The following SPATA16 variants were observed in gnomAD, a reference collection of about 807,000 sequenced individuals.
The protein encoded by SPATA16 is spermatogenesis-associated protein 16.
Under a neutral mutation model 63.3 loss-of-function variants are expected in SPATA16, and 36 were observed. The observed-to-expected ratio is 0.57, with a 90% CI of 0.44 to 0.75. The LOEUF (loss-of-function observed/expected upper bound fraction) is 0.75, where lower values mean the gene tolerates loss of function less well. Among genes scored for constraint, SPATA16 ranks in the 30% least tolerant of loss-of-function variants. The pLI, the probability that SPATA16 is intolerant of heterozygous loss-of-function variation, is 0.00. For missense variants in SPATA16, 646 were observed against 679.3 expected (o/e 0.95, Z 0.54); for synonymous variants, 203 against 216.7 (o/e 0.94, Z 0.56).
intron 1 of SPATA16, among the ~76,000 whole-genome samples, chr3:173,120,889 C>G (rs1410884547): frequency 6.6e-6 from 1 of 151,934 alleles, no homozygotes; most frequent in African/African-American, 2.4e-5. Context: ...TTAAACTGCT[C>G]TATAGAAATC....
intron 2 of SPATA16, among the ~76,000 whole-genome samples, chr3:173,093,659 A>G (rs1437876159): frequency 2.6e-5 from 4 of 152,178 alleles, no homozygotes; most frequent in Admixed American, 2.6e-4. Flanking sequence ...AAGCCTGCAG[A>G]AGTTATGTAT....
intron 4 of SPATA16, among the ~76,000 whole-genome samples, chr3:173,014,252 A>AT (rs1735132613): frequency 6.6e-6 from 1 of 152,260 alleles, no homozygotes; most frequent in Non-Finnish European, 1.5e-5. Context: ...CTACACAGCC[A>AT]TATAAAGAAT....
chr3:172,926,257 C>A (rs1390788490), intron 6 of SPATA16, among the ~76,000 whole-genome samples: 1 of 152,004 alleles, frequency 6.6e-6, no homozygotes, highest in Non-Finnish European at 1.5e-5. Context: ...CTTCATCTAG[C>A]CATAGGAGGA....
In SPATA16 at chr3:172,986,565, C is replaced by T. The variant is rs372031425; in HGVS notation, c.849-9513G>A. 1.3e-4 allele frequency among the ~76,000 whole-genome samples: 20 copies of T among 152,158 alleles called. No homozygotes were observed. In the East Asian group the frequency reaches 1.3e-3, roughly 10 times the overall value. The stretch of plus-strand genomic sequence containing the variant: ...TAGCCAAGCAAAGGGAGCATAAGCC[C>T]GAGAAGGGCATTCTAGGCTTAGCAC... On this transcript the variant is annotated intron_variant, in intron 4 of 10. Transcript: ENST00000351008.
intron 4 of SPATA16, among the ~76,000 whole-genome samples, 183 bp from the exon 5 acceptor site, chr3:172,977,235 G>A (rs1379408755): frequency 1.3e-5 from 2 of 151,396 alleles, no homozygotes; most frequent in African/African-American, 4.8e-5. Context: ...TTTTTTTGGG[G>A]AGGTAGATAA....
intron 2 of SPATA16, among the ~76,000 whole-genome samples, chr3:173,068,220 T>C (rs190148977): frequency 7.2e-4 from 110 of 152,320 alleles, no homozygotes; most frequent in African/African-American, 2.5e-3. Flanking sequence ...TTGCAATGTT[T>C]AAACCACTCA....
chr3:173,061,590 G>A (rs887003430), intron 2 of SPATA16, among the ~76,000 whole-genome samples: 1 of 152,210 alleles, frequency 6.6e-6, no homozygotes, highest in Non-Finnish European at 1.5e-5. Context: ...CAAACTAAAT[G>A]TTCAAGACAT....
At chr3:173,120,519 C>A (rs1738034042) in intron 1 of SPATA16, among the ~76,000 whole-genome samples, 1 of 152,160 alleles carries the variant, frequency 6.6e-6, no homozygotes, top group Non-Finnish European at 1.5e-5. Context: ...CTCTCTACTT[C>A]AAGCACCAGA....
intron 2 of SPATA16, among the ~76,000 whole-genome samples, chr3:173,103,135 C>A (rs1737534614): frequency 6.6e-6 from 1 of 152,214 alleles, no homozygotes; most frequent in Non-Finnish European, 1.5e-5. Context: ...AAGCTCTATG[C>A]CTGGGGCTTT....
At chr3:173,074,137 A>T (rs1305860282) in intron 2 of SPATA16, among the ~76,000 whole-genome samples, 1 of 152,182 alleles carries the variant, frequency 6.6e-6, no homozygotes, top group Non-Finnish European at 1.5e-5. Context: ...GGAAGTAACT[A>T]ACTTGCTTTT....
At chr3:172,983,328 C>CT (rs59406777) in intron 4 of SPATA16, among the ~76,000 whole-genome samples, 10,542 of 142,392 alleles carry the variant, frequency 0.074, 1,257 homozygotes, top group African/African-American at 0.25. Flanking sequence ...AGTGACCTCT[C>CT]TTTTTTTTTT....
chr3:173,058,931 CT>C (rs555857492), intron 2 of SPATA16, among the ~76,000 whole-genome samples: 10 of 150,708 alleles, frequency 6.6e-5, no homozygotes, highest in Non-Finnish European at 1.0e-4. Flanking sequence ...CTCCTTTCAC[CT>C]TTTTTTTTCC....
At chr3:172,951,046 T>C (rs559005175) in intron 6 of SPATA16, among the ~76,000 whole-genome samples, 1 of 152,242 alleles carries the variant, frequency 6.6e-6, no homozygotes, top group South Asian at 2.1e-4. Context: ...AATATATGAA[T>C]AAAAATCTCA....
At chr3:172,960,834 C>T (rs2108237894) in intron 5 of SPATA16, among the ~76,000 whole-genome samples, 1 of 144,352 alleles carries the variant, frequency 6.9e-6, no homozygotes, top group East Asian at 2.1e-4. Flanking sequence ...AAACTTCAAA[C>T]ATTTTCGGGA....
chr3:172,935,435 A>G (rs1732962113), intron 6 of SPATA16, among the ~76,000 whole-genome samples: 2 of 152,368 alleles, frequency 1.3e-5, no homozygotes, highest in East Asian at 3.9e-4. Context: ...TTGATCCATA[A>G]TAGAAAAAAC....
At chr3:173,133,154 G>T (rs1738429572) in intron 1 of SPATA16, among the ~76,000 whole-genome samples, 1 of 152,094 alleles carries the variant, frequency 6.6e-6, no homozygotes, top group South Asian at 2.1e-4. Context: ...TTGATTTATT[G>T]TTCCTCAGCT....
intron 2 of SPATA16, among the ~76,000 whole-genome samples, chr3:173,088,012 T>C (rs879260846): frequency 2.2e-5 from 1 of 45,576 alleles, no homozygotes; most frequent in Non-Finnish European, 4.8e-5. Context: ...CTTTCCGTCT[T>C]TCTTTCTTTC....
intron 2 of SPATA16, among the ~76,000 whole-genome samples, chr3:173,072,663 A>C (rs1736701935): frequency 1.3e-5 from 2 of 152,138 alleles, no homozygotes; most frequent in Non-Finnish European, 1.5e-5. Flanking sequence ...AGACATGTGG[A>C]ACTGTGAGTC....
chr3:172,991,850 G>A (rs902622007), intron 4 of SPATA16, among the ~76,000 whole-genome samples: 1 of 152,200 alleles, frequency 6.6e-6, no homozygotes. Context: ...AAGTTATGGA[G>A]TTGGGAAGTG....
Sources: allele counts gnomAD v4.1 joint callset (sites outside exome capture counted in the v4.1 genomes callset), GRCh38; gene constraint gnomAD v4.1.1; transcripts MANE v1.5; gene names NCBI Gene and HGNC (gene_info 2026-07-23, HGNC 2026-07-21).